The following USP6NL variants were observed in gnomAD, a reference collection of about 807,000 sequenced individuals.
USP6NL encodes USP6 N-terminal-like protein.
USP6NL carries 26 observed loss-of-function variants against 61.9 expected under a neutral mutation model. The ratio of observed to expected loss-of-function variants is 0.42; its 90% CI spans 0.31 to 0.58. USP6NL has a LOEUF of 0.58. Among genes scored for constraint, USP6NL ranks in the 20% least tolerant of loss-of-function variants. The probability of loss-of-function intolerance (pLI) is 0.16; values close to 1 mark genes in which losing one functional copy is unlikely to be tolerated. For missense variants in USP6NL, 1,114 were observed against 1,034.3 expected (o/e 1.08, Z -1.06); for synonymous variants, 432 against 390.1 (o/e 1.11, Z -1.27).
At chr10:11,588,987 T>C (rs1316999485) in intron 2 of USP6NL, among the ~76,000 whole-genome samples, 1 of 152,200 alleles carries the variant, frequency 6.6e-6, no homozygotes, top group African/African-American at 2.4e-5. Flanking sequence ...ATACAAGGTC[T>C]CACTAACACT....
intron 2 of USP6NL, among the ~76,000 whole-genome samples, chr10:11,541,761 G>C (rs1026752214): frequency 6.6e-6 from 1 of 151,944 alleles, no homozygotes. Context: ...CCAATATCAA[G>C]CAATAAATCA....
Position 11,468,768 on chromosome 10 carries a change from A to C in USP6NL, c.1079-4919T>G, listed in dbSNP as rs867142894. On this transcript the variant is annotated intron_variant, in intron 14 of 14. Transcript: ENST00000609104. The surrounding 1 kb of genome is among the most constrained non-coding windows in gnomAD (Gnocchi z 4.5). ...GGAATCCTTTAGCCACAGAGGAGGC[A>C]CATATCAGTAAAGACTGAGCTGGAC... is the stretch of plus-strand genomic sequence containing the variant. Among the ~76,000 whole-genome samples the C allele has an allele frequency of 6.6e-6, 1 of 152,252 alleles. No homozygotes were observed. Among genetic ancestry groups the C allele is most frequent in the Non-Finnish European group, 1.5e-5 (1 of 68,046 alleles).
intron 10 of USP6NL, among the ~76,000 whole-genome samples, chr10:11,486,753 A>G (rs929659073): frequency 6.6e-6 from 1 of 152,184 alleles, no homozygotes; most frequent in African/African-American, 2.4e-5. Flanking sequence ...GAGGCATTTT[A>G]GCTTATTAAT....
In USP6NL at chr10:11,496,750, G is replaced by T. The variant is rs1833945762; in HGVS notation, c.385-3522C>A. On this transcript the variant is annotated intron_variant, in intron 7 of 14. Coordinates refer to ENST00000609104, the MANE Select transcript of USP6NL (RefSeq NM_014688.5). This position sits in a 1 kb window ranked among gnomAD's most constrained non-coding sequence, Gnocchi z 5.4. Reference sequence around the variant, plus strand: ...TCCCGACTTCAGCTAAAAGTGGAAAGAAGGTTATCTGGGGATGTCTATTAT... The same window carrying T: ...TCCCGACTTCAGCTAAAAGTGGAAATAAGGTTATCTGGGGATGTCTATTAT... 6.6e-6 allele frequency among the ~76,000 whole-genome samples: 1 copy of T among 152,122 alleles called. No individual in the cohort carries two copies. Among genetic ancestry groups the T allele is most frequent in the Non-Finnish European group, 1.5e-5 (1 of 68,020 alleles).
intron 2 of USP6NL, among the ~76,000 whole-genome samples, chr10:11,542,643 C>T (rs944800452): frequency 7.2e-5 from 11 of 152,082 alleles, no homozygotes; most frequent in Admixed American, 5.2e-4. Flanking sequence ...TGCCTGAACC[C>T]GGGAGACAGA....
chr10:11,584,863 G>C, intron 2 of USP6NL, among the ~76,000 whole-genome samples: 1 of 152,066 alleles, frequency 6.6e-6, no homozygotes, highest in African/African-American at 2.4e-5. Flanking sequence ...ACTTGAGCCA[G>C]GGAGGCAGAG....
Position 11,461,549 on chromosome 10 carries a change from A to C in USP6NL, c.*892T>G, listed in dbSNP as rs2096214295. 6.6e-6 allele frequency: 1 copy of C among 151,514 alleles called. No homozygotes were observed. The highest frequency in any genetic ancestry group is 2.4e-5 in the African/African-American group (1 of 41,418). The allele number at this position is 151,514 out of a possible 1,614,324, so 9.4% of individuals were successfully genotyped here. On this transcript the variant is annotated 3_prime_UTR_variant, in exon 15 of 15. Transcript: ENST00000609104. ...AATGCAGTTAGTGTGGCTGCCCCAC[A>C]TGAGTACTGTGAGCACTGAGGGATC...
intron 2 of USP6NL, among the ~76,000 whole-genome samples, chr10:11,535,166 C>A (rs1158728100): frequency 6.6e-6 from 1 of 152,200 alleles, no homozygotes; most frequent in Non-Finnish European, 1.5e-5. Context: ...GAGGCAGAGG[C>A]AATGGGCCCT....
At chr10:11,569,444 T>C (rs1837281570) in intron 2 of USP6NL, among the ~76,000 whole-genome samples, 1 of 152,220 alleles carries the variant, frequency 6.6e-6, no homozygotes, top group Non-Finnish European at 1.5e-5. Flanking sequence ...GTCAATTTAA[T>C]AAATATAACC....
At chr10:11,519,055 C>G (rs1434409428) in intron 4 of USP6NL, among the ~76,000 whole-genome samples, 1 of 152,120 alleles carries the variant, frequency 6.6e-6, no homozygotes, top group Non-Finnish European at 1.5e-5. Context: ...TGGGCCATAC[C>G]GTCTTTTTCA....
chr10:11,470,923 C>T lies in USP6NL; in HGVS notation c.1079-7074G>A, dbSNP rs1031628934. 1.9e-4 allele frequency among the ~76,000 whole-genome samples: 29 copies of T among 152,324 alleles called. No homozygotes were observed. The highest frequency in any genetic ancestry group is 6.7e-4 in the African/African-American group (28 of 41,556). On this transcript the variant is annotated intron_variant, in intron 14 of 14. Coordinates refer to ENST00000609104, the MANE Select transcript of USP6NL (RefSeq NM_014688.5). The surrounding 1 kb of genome is among the most constrained non-coding windows in gnomAD (Gnocchi z 5.4). ...ATTGGAGGCCTGGCGTGGTGGCTCA[C>T]GCCTGTAATCCCAGCACTTTGGGAG... is the stretch of plus-strand genomic sequence containing the variant.
intron 5 of USP6NL, among the ~76,000 whole-genome samples, chr10:11,516,196 A>C (rs1186217918): frequency 2.0e-5 from 3 of 152,204 alleles, no homozygotes; most frequent in Non-Finnish European, 4.4e-5. Flanking sequence ...AGGACTGTAT[A>C]CCACTCTCCC....
chr10:11,485,720 T>A lies in USP6NL; in HGVS notation c.759+97A>T, dbSNP rs1343404732. 1 of 765,516 alleles carries A rather than the reference T, an allele frequency of 1.3e-6. No individual in the cohort carries two copies. Among genetic ancestry groups the A allele is most frequent in the African/African-American group, 1.8e-5 (1 of 55,704 alleles). The allele number at this position is 765,516 out of a possible 1,614,324, so 47.4% of individuals were successfully genotyped here. A position where few individuals can be genotyped will look rare whatever the true frequency, so the allele number is the denominator to read the frequency against. On this transcript the variant is annotated intron_variant, in intron 11 of 14. Coordinates refer to ENST00000609104, the MANE Select transcript of USP6NL (RefSeq NM_014688.5). This position sits in a 1 kb window ranked among gnomAD's most constrained non-coding sequence, Gnocchi z 4.8. ...ATAGTAAATGAAATGGATGACACTA[T>A]AAATTAATAAGGTAATTGGACCAAA...
At position 11,499,659 on chromosome 10, in the gene USP6NL, A is replaced by G. The variant is rs1834090053; in HGVS notation, c.384+1442T>C. Among the ~76,000 whole-genome samples the G allele has an allele frequency of 1.3e-5, 2 of 152,148 alleles. No individual in the cohort carries two copies. Among genetic ancestry groups the G allele is most frequent in the South Asian group, 4.1e-4 (2 of 4,832 alleles). ...CAGGTGATAAGGAAGACAGGGATGG[A>G]GCGATGCCAAAATGCACTAAGGATG... On this transcript the variant is annotated intron_variant, in intron 7 of 14. Transcript: ENST00000609104. The surrounding 1 kb of genome is among the most constrained non-coding windows in gnomAD (Gnocchi z 4.5).
chr10:11,498,464 A>G lies in USP6NL; in HGVS notation c.384+2637T>C, dbSNP rs74116260. ...CAAGACAGCTTGGATAGTAAATCCTACCCCTGCCACTTGCTAACCTTGGGG... is the reference window on the plus strand; with the variant it reads ...CAAGACAGCTTGGATAGTAAATCCTGCCCCTGCCACTTGCTAACCTTGGGG... On this transcript the variant is annotated intron_variant, in intron 7 of 14. Coordinates refer to ENST00000609104, the MANE Select transcript of USP6NL (RefSeq NM_014688.5). Among the ~76,000 whole-genome samples the G allele has an allele frequency of 8.9e-3, 1,346 of 151,782 alleles. 27 individuals are homozygous for G. The highest frequency in any genetic ancestry group is 0.031 in the African/African-American group (1,289 of 41,328).
intron 2 of USP6NL, among the ~76,000 whole-genome samples, chr10:11,533,653 G>A (rs1336715636): frequency 6.6e-6 from 1 of 152,166 alleles, no homozygotes; most frequent in Non-Finnish European, 1.5e-5. Flanking sequence ...AGTGGCTCCA[G>A]AAGGAACCAG....
chr10:11,581,661 G>A (rs1837778317), intron 2 of USP6NL, among the ~76,000 whole-genome samples: 1 of 152,196 alleles, frequency 6.6e-6, no homozygotes, highest in South Asian at 2.1e-4. Flanking sequence ...AGAGACTGTA[G>A]GATATTAAAC....
intron 2 of USP6NL, among the ~76,000 whole-genome samples, chr10:11,534,626 A>C (rs2133430655): frequency 6.6e-6 from 1 of 152,342 alleles, no homozygotes; most frequent in South Asian, 2.1e-4. Context: ...CAAGCAATTA[A>C]CAGAGTGAGA....
intron 2 of USP6NL, among the ~76,000 whole-genome samples, chr10:11,593,107 T>C (rs1486290327): frequency 6.6e-6 from 1 of 152,222 alleles, no homozygotes; most frequent in African/African-American, 2.4e-5. Flanking sequence ...TGTCATAGAT[T>C]CACTCCTGGA....
Sources: allele counts gnomAD v4.1 joint callset (sites outside exome capture counted in the v4.1 genomes callset), GRCh38; gene constraint gnomAD v4.1.1; non-coding constraint Gnocchi (gnomAD v3.1); transcripts MANE v1.5; gene names NCBI Gene and HGNC (gene_info 2026-07-23, HGNC 2026-07-21).